The following NLRP1 variants were observed in gnomAD, a reference collection of about 807,000 sequenced individuals.
The protein encoded by NLRP1 is NLR family pyrin domain containing 1.
Under a neutral mutation model 136.7 loss-of-function variants are expected in NLRP1, and 94 were observed. The ratio of observed to expected loss-of-function variants is 0.69; its 90% confidence interval spans 0.58 to 0.82. The LOEUF (loss-of-function observed/expected upper bound fraction) is 0.82. Among genes scored for constraint, NLRP1 ranks in the 40% least tolerant of loss-of-function variants. The probability of loss-of-function intolerance (pLI) is 0.00; values close to 1 mark genes in which losing one functional copy is unlikely to be tolerated. For synonymous variants in NLRP1, 690 were observed against 725.1 expected, an observed-to-expected ratio of 0.95 and a Z score of 0.78; for missense variants, 1,575 against 1,802.7, an observed-to-expected ratio of 0.87 and a Z score of 2.29.
exon 16 of NLRP1, chr17:5,501,798 C>T (rs1427354571): frequency 2.5e-6 from 4 of 1,611,746 alleles, no homozygotes; most frequent in Admixed American, 1.7e-5. Context: ...TTGGTACTGC[C>T]GCAGGCTGCT....
rs1365207732 is a variant in NLRP1 at position 5,515,009 on chromosome 17, C to G, written c.4167G>C (p.Leu1389=). The part of the protein sequence containing the change: ...LHFVDQYREQ[L]IARVTSVEVV... ...CCTCCACCGATGTCACTCGGGCTAT[C>G]AGCTGCTCTCGATACTGGTCCACAA... The change falls in exon 17 of 17, where the codon CTG becomes CTC. Residue 1389 remains leucine, a synonymous_variant. Transcript: ENST00000572272. 2.5e-6 allele frequency: 4 copies of G among 1,614,216 alleles called. No individual in the cohort carries two copies. The highest frequency in any genetic ancestry group is 3.4e-6 in the Non-Finnish European group (4 of 1,180,042).
chr17:5,564,076 T>G (rs139271129), intron 3 of NLRP1, among the ~76,000 whole-genome samples: 3 of 152,200 alleles, frequency 2.0e-5, no homozygotes, highest in African/African-American at 4.8e-5. Flanking sequence ...TTTGTGGATA[T>G]GTAGTAGGTG....
intron 4 of NLRP1, among the ~76,000 whole-genome samples, chr17:5,556,512 C>T (rs1057033532): frequency 5.3e-5 from 8 of 151,206 alleles, no homozygotes; most frequent in African/African-American, 1.7e-4. Flanking sequence ...AAGAAGATAG[C>T]CTTGATATAT....
At chr17:5,579,619 T>C (rs1905376422) in intron 3 of NLRP1, among the ~76,000 whole-genome samples, 1 of 152,164 alleles carries the variant, frequency 6.6e-6, no homozygotes, top group Non-Finnish European at 1.5e-5. Context: ...CATTCTACCA[T>C]AAAGATGCAT....
intron 3 of NLRP1, among the ~76,000 whole-genome samples, chr17:5,568,237 TG>T (rs1915527114): frequency 6.6e-6 from 1 of 152,074 alleles, no homozygotes; most frequent in Non-Finnish European, 1.5e-5. Context: ...TGTGTTTCAT[TG>T]TTTTTTTTAT....
chr17:5,568,804 G>A (rs765428695), intron 3 of NLRP1, among the ~76,000 whole-genome samples: 43 of 152,122 alleles, frequency 2.8e-4, no homozygotes, highest in Non-Finnish European at 2.6e-4. Context: ...AGTCATAGAG[G>A]TACCACCTTA....
chr17:5,575,060 G>A (rs1245095978), intron 3 of NLRP1, among the ~76,000 whole-genome samples: 2 of 152,138 alleles, frequency 1.3e-5, no homozygotes, highest in African/African-American at 4.8e-5. Context: ...ATCCTTTACA[G>A]ACAAGCAAAT....
chr17:5,568,866 C>T (rs1915589296), intron 3 of NLRP1, among the ~76,000 whole-genome samples: 1 of 152,146 alleles, frequency 6.6e-6, no homozygotes, highest in South Asian at 2.1e-4. Context: ...GGCAGAGACT[C>T]TTGTTCTCTT....
Position 5,583,657 on chromosome 17 carries a change from C to T in NLRP1, c.271+30G>A, listed in dbSNP as rs867327567. ...CAGGCATGAGGGCCAGGGGATGTCC[C>T]GCGGGCAGTGGGGTCCTCTGTCCAC... On this transcript the variant is annotated intron_variant, in intron 1 of 16. Coordinates refer to ENST00000572272, the MANE Select transcript of NLRP1 (RefSeq NM_033004.4). This position sits in a 1 kb window ranked among gnomAD's most constrained non-coding sequence, Gnocchi z 4.5. 24 of 1,542,822 alleles carry T rather than the reference C, an allele frequency of 1.6e-5. No homozygotes were observed. The highest frequency in any genetic ancestry group is 5.9e-5 in the Admixed American group (3 of 50,770).
intron 3 of NLRP1, 41 bp from the exon 4 acceptor site, chr17:5,560,084 T>C (rs767529873): frequency 8.1e-6 from 12 of 1,474,130 alleles, no homozygotes; most frequent in Non-Finnish European, 9.9e-6. Flanking sequence ...AGGTAGAGAA[T>C]AGAAGAATTA....
At position 5,541,363 on chromosome 17, in the gene NLRP1, G is replaced by A. The variant is rs530666428; in HGVS notation, c.2699+494C>T. Among the ~76,000 whole-genome samples the A allele has an allele frequency of 8.5e-5, 13 of 152,178 alleles. No homozygotes were observed. The highest frequency in any genetic ancestry group is 2.1e-4 in the South Asian group (1 of 4,822). On this transcript the variant is annotated intron_variant, in intron 6 of 16. Transcript: ENST00000572272. The surrounding 1 kb of genome is among the most constrained non-coding windows in gnomAD (Gnocchi z 4.2). ...GCCTCACTTGTTTCTACATGGTGGC[G>A]GGGGGGATGGCTCTGTCCCCTCGGA...
At chr17:5,581,814 C>T (rs201490598) in intron 3 of NLRP1, 45 bp downstream of exon 3, 1 of 1,496,022 alleles carries the variant, frequency 6.7e-7, no homozygotes, top group Non-Finnish European at 9.3e-7. Flanking sequence ...CATACATTTG[C>T]CTCTCCCACC....
In NLRP1 at chr17:5,556,448, C is replaced by T. The variant is rs80086376; in HGVS notation, c.2357+1891G>A. ...CAGCCTAGGGGACAGAGCGAGACTC[C>T]GTCTCAGACAACAACAAACCAAAAA... On this transcript the variant is annotated intron_variant, in intron 4 of 16. Coordinates refer to ENST00000572272, the MANE Select transcript of NLRP1 (RefSeq NM_033004.4). Among the ~76,000 whole-genome samples the T allele has an allele frequency of 9.2e-3, 1,341 of 145,164 alleles. 24 individuals carry two copies. Among genetic ancestry groups the T allele is most frequent in the East Asian group, 0.081 (392 of 4,844 alleles).
chr17:5,566,900 T>C (rs561091293), intron 3 of NLRP1, among the ~76,000 whole-genome samples: 1 of 152,294 alleles, frequency 6.6e-6, no homozygotes, highest in African/African-American at 2.4e-5. Flanking sequence ...ATTGACTCCA[T>C]TATCATTATA....
intron 5 of NLRP1, among the ~76,000 whole-genome samples, chr17:5,545,541 C>G (rs748074219): frequency 0.048 from 7,148 of 149,870 alleles, 192 homozygotes; most frequent in Middle Eastern, 0.085. Context: ...CACAGACACA[C>G]ACACAGACAC....
At chr17:5,542,660 G>A (rs1912013570) in intron 5 of NLRP1, among the ~76,000 whole-genome samples, 1 of 152,064 alleles carries the variant, frequency 6.6e-6, no homozygotes, top group African/African-American at 2.4e-5. Context: ...TTGGCTTCTT[G>A]TCCTCCCTCC....
chr17:5,532,621 A>T (rs1316219182), intron 11 of NLRP1, among the ~76,000 whole-genome samples: 1 of 152,234 alleles, frequency 6.6e-6, no homozygotes, highest in South Asian at 2.1e-4. Flanking sequence ...TTTAAGTTTC[A>T]TAAGAAAACA....
chr17:5,527,812 C>T (rs1909746425), intron 12 of NLRP1, among the ~76,000 whole-genome samples: 1 of 152,202 alleles, frequency 6.6e-6, no homozygotes, highest in Non-Finnish European at 1.5e-5. Context: ...GATGCCTGTG[C>T]ACTCGGAGGG....
At chr17:5,543,018 C>T (rs1043908306) in intron 5 of NLRP1, among the ~76,000 whole-genome samples, 16 of 152,194 alleles carry the variant, frequency 1.1e-4, no homozygotes, top group Admixed American at 5.9e-4. Flanking sequence ...TTAGTAAAGA[C>T]GGGGTTTCGC....
Sources: gnomAD v4.1 joint callset for allele counts (sites outside exome capture counted in the v4.1 genomes callset) on GRCh38, gnomAD v4.1.1 for gene constraint, Gnocchi (gnomAD v3.1) non-coding constraint, MANE v1.5 for transcripts, NCBI Gene and HGNC (gene_info 2026-07-23, HGNC 2026-07-21) for gene names.